Variants in PRTG observed in about 807,000 individuals in gnomAD.
The protein encoded by PRTG is protogenin, also known as immunoglobulin superfamily, DCC subclass, member 5.
Under a neutral mutation model 122.5 loss-of-function variants are expected in PRTG, and 67 were observed. The observed-to-expected ratio is 0.55, with a 90% CI of 0.45 to 0.67. The LOEUF is 0.67. Ranked by LOEUF, PRTG falls within the 30% of genes least tolerant of loss-of-function variation. PRTG has a pLI of 0.00. For missense variants in PRTG, 1,435 were observed against 1,415.4 expected (o/e 1.01, Z -0.22); for synonymous variants, 554 against 501.1 (o/e 1.11, Z -1.41).
chr15:55,716,784 A>G (rs919083138), intron 2 of PRTG, among the ~76,000 whole-genome samples: 3 of 152,206 alleles, frequency 2.0e-5, no homozygotes, highest in Non-Finnish European at 2.9e-5. Flanking sequence ...CAGCGTGGAA[A>G]AAGCAACTTT....
intron 2 of PRTG, among the ~76,000 whole-genome samples, chr15:55,722,722 C>A (rs1451462446): frequency 1.3e-5 from 2 of 152,176 alleles, no homozygotes; most frequent in African/African-American, 4.8e-5. Context: ...GATGCTCCTT[C>A]CCACTAAAAA....
rs893272221 is a variant in PRTG, at chr15:55,620,222, G to T, written c.3243C>A (p.Gly1081=). The T allele has an allele frequency of 6.2e-7, 1 of 1,614,060 alleles. No homozygotes were observed. Among genetic ancestry groups the T allele is most frequent in the Non-Finnish European group, 8.5e-7 (1 of 1,180,036 alleles). The change falls in exon 20 of 20, where the codon GGC becomes GGA. Residue 1081 remains glycine (G), a synonymous_variant. Transcript: ENST00000389286. ...FTPAVCFYQP[G]TTVLISDEDS... is the part of the protein sequence containing the mutation. Reference sequence around the variant, plus strand: ...CTTCATCACTGATTAATACAGTGGTGCCTGGCTGGTAAAAGCAGACCGCTG... The same window carrying T: ...CTTCATCACTGATTAATACAGTGGTTCCTGGCTGGTAAAAGCAGACCGCTG...
At chr15:55,625,891 G>C (rs190652555) in intron 17 of PRTG, among the ~76,000 whole-genome samples, 1 of 152,044 alleles carries the variant, frequency 6.6e-6, no homozygotes, top group African/African-American at 2.4e-5. Flanking sequence ...CCCAAGTGCT[G>C]GGATTACAGG....
intron 12 of PRTG, 175 bp from the exon 13 acceptor site, chr15:55,640,003 G>A (rs775120694): frequency 5.1e-5 from 50 of 973,954 alleles, no homozygotes; most frequent in Middle Eastern, 1.1e-3. Flanking sequence ...TCTTCCGTGA[G>A]TTATATAAGA....
intron 2 of PRTG, among the ~76,000 whole-genome samples, chr15:55,717,141 G>A (rs1487325359): frequency 6.6e-6 from 1 of 151,984 alleles, no homozygotes; most frequent in Non-Finnish European, 1.5e-5. Context: ...GGCTTTTATT[G>A]GAGAATAAAA....
Position 55,693,459 on chromosome 15 carries a change from A to G in PRTG, c.398-9528T>C, listed in dbSNP as rs74820565. ...CAACAAGAGTATAACTCCGTCTCAG[A>G]AAAAAAAAAAAAAGACTAAGTGAAA... On this transcript the variant is annotated intron_variant, in intron 2 of 19. Transcript: ENST00000389286. Among the ~76,000 whole-genome samples the G allele has an allele frequency of 1.6e-4, 23 of 143,898 alleles. No homozygotes were observed. In the South Asian group the frequency reaches 4.6e-3, roughly 29 times the overall value. 94.4% of individuals were successfully genotyped at this position (143,898 alleles called of 152,430 possible).
At chr15:55,732,455 G>T (rs2031266283) in intron 2 of PRTG, among the ~76,000 whole-genome samples, 1 of 149,920 alleles carries the variant, frequency 6.7e-6, no homozygotes, top group Non-Finnish European at 1.5e-5. Flanking sequence ...AGAGTGCTGG[G>T]ATTACAGGTA....
chr15:55,732,702 C>A (rs1308989253), intron 2 of PRTG, among the ~76,000 whole-genome samples: 1 of 151,968 alleles, frequency 6.6e-6, no homozygotes, highest in Non-Finnish European at 1.5e-5. Flanking sequence ...CCATGTTGGT[C>A]AGGCTGGTCT....
intron 2 of PRTG, among the ~76,000 whole-genome samples, chr15:55,712,058 G>A (rs1407768271): frequency 2.6e-5 from 4 of 152,326 alleles, no homozygotes; most frequent in Non-Finnish European, 5.9e-5. Context: ...TGGAGCTAGG[G>A]CTTGAATTGG....
In PRTG at chr15:55,742,877, G is replaced by T. The variant is rs1037993395; in HGVS notation, c.55C>A (p.Arg19Ser). The T allele has an allele frequency of 6.5e-7, 1 of 1,535,164 alleles. No individual in the cohort carries two copies. The change falls in exon 1 of 20, where the codon CGC becomes AGC. Residue 19 changes from arginine (R) to serine (S), a missense_variant. Coordinates refer to ENST00000389286, the MANE Select transcript of PRTG (RefSeq NM_173814.6). ...AGCAGCAGCAGGAGCAGGAGCGCGC[G>T]GAGCAGCATCCCCGGCGGTCGCAGC... ...ARLRPPGMLL[R>S]ALLLLLLLSP...
At chr15:55,729,849 G>C (rs1316081305) in intron 2 of PRTG, among the ~76,000 whole-genome samples, 6 of 152,040 alleles carry the variant, frequency 3.9e-5, no homozygotes, top group Non-Finnish European at 4.4e-5. Flanking sequence ...CTTCCATTTG[G>C]ACAGATGTAT....
chr15:55,720,674 C>T (rs1032946826), intron 2 of PRTG, among the ~76,000 whole-genome samples: 1 of 152,164 alleles, frequency 6.6e-6, no homozygotes, highest in Non-Finnish European at 1.5e-5. Flanking sequence ...TCCACCTCCA[C>T]CTAAGGTGAT....
chr15:55,734,070 C>G (rs1430259318), intron 2 of PRTG, among the ~76,000 whole-genome samples: 2 of 152,174 alleles, frequency 1.3e-5, no homozygotes, highest in African/African-American at 2.4e-5. Context: ...GGAAGAGAGT[C>G]TATCGGTATT....
At chr15:55,631,019 G>A (rs2059224531) in intron 15 of PRTG, among the ~76,000 whole-genome samples, 1 of 152,150 alleles carries the variant, frequency 6.6e-6, no homozygotes, top group Non-Finnish European at 1.5e-5. Context: ...TCATGAGACG[G>A]AGGCCATCTC....
At chr15:55,691,918 T>C (rs1269180593) in intron 2 of PRTG, among the ~76,000 whole-genome samples, 1 of 151,888 alleles carries the variant, frequency 6.6e-6, no homozygotes, top group African/African-American at 2.4e-5. Context: ...GAGCCTGCAG[T>C]CCCAGCTACT....
At chr15:55,640,979 A>T in intron 12 of PRTG, 134 bp downstream of exon 12, 1 of 627,512 alleles carries the variant, frequency 1.6e-6, no homozygotes. Context: ...CAAAAAAACT[A>T]CGCTATACAG....
At chr15:55,675,425 A>G (rs1159684174) in intron 9 of PRTG, 94 bp downstream of exon 9, 10 of 928,298 alleles carry the variant, frequency 1.1e-5, no homozygotes, top group Admixed American at 2.6e-5. Flanking sequence ...TTTAACCAAA[A>G]AGAGGATATT....
chr15:55,625,602 C>A (rs1355495718), intron 17 of PRTG, among the ~76,000 whole-genome samples: 2 of 151,752 alleles, frequency 1.3e-5, no homozygotes, highest in Non-Finnish European at 2.9e-5. Context: ...CAGTCACATG[C>A]CCACTATGCT....
intron 2 of PRTG, among the ~76,000 whole-genome samples, chr15:55,718,189 T>C (rs1303623464): frequency 2.0e-5 from 3 of 152,122 alleles, no homozygotes; most frequent in Non-Finnish European, 2.9e-5. Flanking sequence ...TTGACCCCAA[T>C]AGAAACTCGA....
Sources: allele counts gnomAD v4.1 joint callset (sites outside exome capture counted in the v4.1 genomes callset), GRCh38; gene constraint gnomAD v4.1.1; transcripts MANE v1.5; gene names NCBI Gene and HGNC (gene_info 2026-07-23, HGNC 2026-07-21).